The following BUB1B variants were observed in gnomAD, a reference collection of about 807,000 sequenced individuals.
The protein encoded by BUB1B is mitotic checkpoint serine/threonine-protein kinase BUB1 beta.
Under a neutral mutation model 137.7 loss-of-function variants are expected in BUB1B, and 86 were observed. The ratio of observed to expected loss-of-function variants is 0.62; its 90% CI spans 0.52 to 0.75. The LOEUF is 0.75. Ranked by LOEUF, BUB1B falls within the 30% of genes least tolerant of loss-of-function variation. BUB1B has a pLI of 0.00. For missense variants in BUB1B, 1,130 were observed against 1,236.9 expected, an observed-to-expected ratio of 0.91 and a Z score of 1.30; for synonymous variants, 420 against 417.9, an observed-to-expected ratio of 1.00 and a Z score of -0.06.
intron 20 of BUB1B, among the ~76,000 whole-genome samples, chr15:40,216,009 A>T (rs2037775311): frequency 6.6e-6 from 1 of 152,202 alleles, no homozygotes; most frequent in Admixed American, 6.5e-5. Context: ...GGAAAATGAG[A>T]TCCAAAAAAA....
At chr15:40,185,404 T>G (rs749939001) in intron 7 of BUB1B, 25 bp downstream of exon 7, 1 of 1,611,648 alleles carries the variant, frequency 6.2e-7, no homozygotes, top group Admixed American at 1.7e-5. Context: ...ATCCAGTGCT[T>G]TGCTGACACA....
At position 40,185,613 on chromosome 15, in the gene BUB1B, T is replaced by C. The variant is rs139094508; in HGVS notation, c.1029T>C (p.Tyr343=). The C allele has an allele frequency of 1.2e-6, 2 of 1,614,042 alleles. No homozygotes were observed. Among genetic ancestry groups the C allele is most frequent in the African/African-American group, 2.7e-5 (2 of 74,938 alleles). ...CTGTGCTTCCCAGTTTCACTCCATA[T>C]GTGGAAGAGACTGCACGACAGCCAG... is the stretch of plus-strand genomic sequence containing the variant. ...VPAVLPSFTP[Y]VEETARQPVM... is the part of the protein sequence containing the mutation. Residue 343 remains tyrosine, a synonymous_variant, in exon 8 of 23, where the codon TAT becomes TAC. Coordinates refer to ENST00000287598, the MANE Select transcript of BUB1B (RefSeq NM_001211.6).
chr15:40,186,056 T>C (rs959624374), intron 8 of BUB1B, among the ~76,000 whole-genome samples: 1 of 152,162 alleles, frequency 6.6e-6, no homozygotes, highest in Non-Finnish European at 1.5e-5. Context: ...GGATTGAACA[T>C]ACATAAATAA....
chr15:40,216,315 G>A (rs1417443893), intron 20 of BUB1B, among the ~76,000 whole-genome samples: 1 of 151,866 alleles, frequency 6.6e-6, no homozygotes, highest in Non-Finnish European at 1.5e-5. Flanking sequence ...GCACACACCA[G>A]TAGTCCCAGC....
At chr15:40,217,443 A>G in intron 20 of BUB1B, 53 bp from the exon 21 acceptor site, 11,189 of 1,104,672 alleles carry the variant, frequency 0.01, no homozygotes, top group Non-Finnish European at 0.014. Flanking sequence ...CCAGCTATGC[A>G]GCTTCTTTCA....
chr15:40,214,239 G>C (rs1271117635), intron 20 of BUB1B, among the ~76,000 whole-genome samples: 1 of 152,154 alleles, frequency 6.6e-6, no homozygotes, highest in African/African-American at 2.4e-5. Context: ...CCAAGGAATG[G>C]GGTTTAGTGT....
intron 20 of BUB1B, among the ~76,000 whole-genome samples, chr15:40,213,990 AAG>A (rs772399812): frequency 3.3e-5 from 5 of 152,254 alleles, no homozygotes; most frequent in Non-Finnish European, 7.3e-5. Flanking sequence ...AATCAGATAA[AAG>A]AATTAATCAC....
Position 40,212,671 on chromosome 15 carries a change from T to G in BUB1B, c.2535+23T>G, listed in dbSNP as rs766902431. 1.9e-5 allele frequency: 31 copies of G among 1,605,984 alleles called. No individual in the cohort carries two copies. The Middle Eastern group carries it at 9.9e-4, about 51-fold the overall frequency. On this transcript the variant is annotated intron_variant, in intron 19 of 22. Coordinates refer to ENST00000287598, the MANE Select transcript of BUB1B (RefSeq NM_001211.6). ...CAGGTCTGTAATACTAAAAACATAATTTAAAGTCCTGAAGTAGAGAGATTT... is the reference window on the plus strand; with the variant it reads ...CAGGTCTGTAATACTAAAAACATAAGTTAAAGTCCTGAAGTAGAGAGATTT...
At chr15:40,205,393 A>C (rs2037625337) in intron 14 of BUB1B, among the ~76,000 whole-genome samples, 1 of 152,208 alleles carries the variant, frequency 6.6e-6, no homozygotes, top group Non-Finnish European at 1.5e-5. Flanking sequence ...TCAAATAGGC[A>C]CTATTTGTAT....
chr15:40,170,252 G>A, intron 3 of BUB1B, 131 bp downstream of exon 3: 1 of 906,958 alleles, frequency 1.1e-6, no homozygotes, highest in Non-Finnish European at 1.8e-6. Flanking sequence ...CAGAGATCCA[G>A]AATAATCATA....
At chr15:40,168,378 G>GA (rs2037125868) in intron 2 of BUB1B, among the ~76,000 whole-genome samples, 1 of 151,472 alleles carries the variant, frequency 6.6e-6, no homozygotes, top group African/African-American at 2.4e-5. Context: ...AAAAAAAAAA[G>GA]AAAAGGAAAA....
intron 19 of BUB1B, 78 bp from the exon 20 acceptor site, chr15:40,213,254 T>C: frequency 6.6e-7 from 1 of 1,513,584 alleles, no homozygotes. Context: ...CTACAAACCA[T>C]CAGTTTTCAA....
intron 4 of BUB1B, among the ~76,000 whole-genome samples, 175 bp downstream of exon 4, chr15:40,170,856 T>A (rs2037154184): frequency 6.6e-6 from 1 of 152,240 alleles, no homozygotes. Flanking sequence ...AAGGTGGACT[T>A]AAATATAGTA....
At chr15:40,191,699 A>G (rs1326114175) in intron 8 of BUB1B, among the ~76,000 whole-genome samples, 1 of 152,212 alleles carries the variant, frequency 6.6e-6, no homozygotes, top group Non-Finnish European at 1.5e-5. Flanking sequence ...GTGGATATCC[A>G]GTGGTCCCAG....
chr15:40,175,460 T>C (rs2037213847), intron 4 of BUB1B, among the ~76,000 whole-genome samples: 1 of 152,132 alleles, frequency 6.6e-6, no homozygotes, highest in African/African-American at 2.4e-5. Flanking sequence ...AAGTGAATGA[T>C]GCAGTATTAT....
chr15:40,183,220 A>G (rs1179634474), intron 5 of BUB1B, among the ~76,000 whole-genome samples: 1 of 152,220 alleles, frequency 6.6e-6, no homozygotes, highest in Non-Finnish European at 1.5e-5. Flanking sequence ...GCTAAAGTAC[A>G]ATGTCATGTC....
intron 14 of BUB1B, among the ~76,000 whole-genome samples, chr15:40,204,097 A>G (rs912172281): frequency 1.3e-5 from 2 of 152,226 alleles, no homozygotes; most frequent in African/African-American, 4.8e-5. Flanking sequence ...ATTTTTTCCC[A>G]TATCAAGATA....
chr15:40,182,696 T>TTTG (rs1276444186), intron 5 of BUB1B, among the ~76,000 whole-genome samples: 2 of 152,202 alleles, frequency 1.3e-5, no homozygotes, highest in African/African-American at 4.8e-5. Flanking sequence ...TAGGAGATCC[T>TTTG]CTTGTTCAGC....
chr15:40,194,383 G>A (rs2037473633), intron 8 of BUB1B, among the ~76,000 whole-genome samples: 1 of 152,154 alleles, frequency 6.6e-6, no homozygotes, highest in African/African-American at 2.4e-5. Flanking sequence ...GTATAGAAGT[G>A]ACAAGAATGG....
Sources: allele counts gnomAD v4.1 joint callset (sites outside exome capture counted in the v4.1 genomes callset), GRCh38; gene constraint gnomAD v4.1.1; transcripts MANE v1.5; gene names NCBI Gene and HGNC (gene_info 2026-07-23, HGNC 2026-07-21).